The following BAHCC1 variants were observed in gnomAD, a reference collection of about 807,000 sequenced individuals.
BAHCC1 encodes the protein BAH domain and coiled-coil containing 1, also known as BAH and coiled-coil domain-containing protein 1.
BAHCC1 carries 43 observed loss-of-function variants against 88.2 expected under a neutral mutation model. The ratio of observed to expected loss-of-function variants is 0.49; its 90% CI spans 0.38 to 0.63. The LOEUF (loss-of-function observed/expected upper bound fraction) is 0.63, where lower values mean the gene tolerates loss of function less well. Among genes scored for constraint, BAHCC1 ranks in the 20% least tolerant of loss-of-function variants. The pLI is 0.00. For missense variants in BAHCC1, 3,023 were observed against 1,654.8 expected (o/e 1.83, Z -14.34); for synonymous variants, 1,510 against 745.5 (o/e 2.03, Z -16.71).
chr17:81,409,570 A>C (rs189838090), intron 2 of BAHCC1, among the ~76,000 whole-genome samples: 27 of 152,284 alleles, frequency 1.8e-4, no homozygotes, highest in Non-Finnish European at 2.5e-4. Flanking sequence ...GCGGGGGTGC[A>C]GCTAGGATTG....
chr17:81,438,988 G>A (rs989692805), intron 4 of BAHCC1, among the ~76,000 whole-genome samples: 2 of 152,048 alleles, frequency 1.3e-5, no homozygotes, highest in African/African-American at 4.8e-5. Context: ...CCCCAGCCCC[G>A]TGTCCTGGTG....
chr17:81,440,959 G>C (rs2064404320), intron 4 of BAHCC1, among the ~76,000 whole-genome samples: 1 of 152,204 alleles, frequency 6.6e-6, no homozygotes, highest in Non-Finnish European at 1.5e-5. Context: ...CTCTCCTCTG[G>C]GGGCGCCAGG....
chr17:81,405,548 A>G (rs1050191083), intron 2 of BAHCC1, among the ~76,000 whole-genome samples: 1 of 152,102 alleles, frequency 6.6e-6, no homozygotes, highest in African/African-American at 2.4e-5. Flanking sequence ...CCAAAGGACT[A>G]TATTTCCCAG....
intron 2 of BAHCC1, among the ~76,000 whole-genome samples, chr17:81,413,786 C>T (rs1013776573): frequency 5.9e-5 from 9 of 152,332 alleles, no homozygotes; most frequent in African/African-American, 2.2e-4. Context: ...AGCAACTGTT[C>T]GTGTACCAGC....
intron 10 of BAHCC1, 25 bp from the exon 11 acceptor site, chr17:81,447,011 T>G (rs2064541419): frequency 2.6e-6 from 2 of 778,300 alleles, no homozygotes; most frequent in Non-Finnish European, 4.8e-6. Flanking sequence ...CCCAGCTCCC[T>G]GCTGACCTGT....
rs782281202 is a variant in BAHCC1, at chr17:81,441,896, A to G, written c.547A>G (p.Ser183Gly). 1.5e-6 allele frequency: 1 copy of G among 680,706 alleles called. No individual in the cohort carries two copies. The highest frequency in any genetic ancestry group is 2.2e-5 in the Admixed American group (1 of 44,562). 42.2% of individuals were successfully genotyped at this position (680,706 alleles called of 1,614,324 possible). ...TLLPANHNFP[S>G]VARAAPAHPM... is the part of the protein sequence containing the mutation. ...GCTGCCGGCCAACCACAACTTCCCC[A>G]GCGTGGCCCGGGCCGCCCCTGCCCA... The change falls in exon 5 of 28, where the codon AGC becomes GGC. Residue 183 changes from serine to glycine, a missense_variant. Ser to Gly is a moderately conservative substitution (Grantham distance 56). Coordinates refer to ENST00000675386, the MANE Select transcript of BAHCC1 (RefSeq NM_001377448.1).
chr17:81,438,758 T>A (rs1555652106), intron 4 of BAHCC1, among the ~76,000 whole-genome samples: 1 of 152,136 alleles, frequency 6.6e-6, no homozygotes, highest in African/African-American at 2.4e-5. Flanking sequence ...GCAGCTGAGC[T>A]GGTGCCCACC....
At chr17:81,448,186 G>T (rs1201774447) in intron 11 of BAHCC1, among the ~76,000 whole-genome samples, 1 of 152,198 alleles carries the variant, frequency 6.6e-6, no homozygotes. Context: ...AGAGCCTGCC[G>T]CCTGCCTCCT....
Position 81,442,186 on chromosome 17 carries a change from C to A in BAHCC1, c.837C>A (p.His279Gln). The A allele has an allele frequency of 1.5e-6, 1 of 657,798 alleles. No individual in the cohort carries two copies. The allele number at this position is 657,798 out of a possible 1,614,324, so 40.7% of individuals were successfully genotyped here. Reference protein sequence around the residue: ...PRGACEGRPKHLTSCLLNTKV... With the variant: ...PRGACEGRPKQLTSCLLNTKV... ...GGGCCTGCGAGGGCCGCCCCAAGCA[C>A]CTCACCTCCTGCCTCCTCAACACCA... Residue 279 changes from histidine (H) to glutamine (Q), a missense_variant, in exon 5 of 28, where the codon CAC (histidine) becomes CAA (glutamine). Physicochemically the swap from His to Gln is conservative, Grantham distance 24. Coordinates refer to ENST00000675386, the MANE Select transcript of BAHCC1 (RefSeq NM_001377448.1).
intron 2 of BAHCC1, chr17:81,415,407 G>T: frequency 8.2e-6 from 3 of 365,742 alleles, no homozygotes; most frequent in Non-Finnish European, 1.6e-5. Context: ...TTGAGACACA[G>T]AGTTTGGCAG....
chr17:81,461,437 G>T lies in BAHCC1; in HGVS notation c.6774G>T (p.Gly2258=), dbSNP rs1265643651. ...CCCTTGTGGGCAAGGACAAGAAGGG[G>T]CGGGCACCCATCCCCCCGCTGCCCA... is the stretch of plus-strand genomic sequence containing the variant. The part of the protein sequence containing the change: ...HPALVGKDKK[G]RAPIPPLPMG... Residue 2258 remains glycine, a synonymous_variant, in exon 26 of 28, where the codon GGG becomes GGT. Transcript: ENST00000675386. The T allele has an allele frequency of 1.2e-5, 9 of 737,466 alleles. No homozygotes were observed. Among genetic ancestry groups the T allele is most frequent in the African/African-American group, 8.5e-5 (5 of 58,626 alleles). 45.7% of individuals were successfully genotyped at this position (737,466 alleles called of 1,614,324 possible). A position where few individuals can be genotyped will look rare whatever the true frequency, so the allele number is the denominator to read the frequency against.
At position 81,426,908 on chromosome 17, in the gene BAHCC1, C is replaced by G. The variant is rs1305503339; in HGVS notation, c.287C>G (p.Ser96Cys). 1 of 398,840 alleles carries G rather than the reference C, an allele frequency of 2.5e-6. No homozygotes were observed. The highest frequency in any genetic ancestry group is 2.1e-5 in the African/African-American group (1 of 48,588). 24.7% of individuals were successfully genotyped at this position (398,840 alleles called of 1,614,324 possible). A position where few individuals can be genotyped will look rare whatever the true frequency, so the allele number is the denominator to read the frequency against. The change falls in exon 3 of 28, where the codon TCC (serine) becomes TGC (cysteine). Residue 96 changes from serine (S) to cysteine (C), a missense_variant. Physicochemically the swap from Ser to Cys is moderately radical, Grantham distance 112 (BLOSUM62 -1). Coordinates refer to ENST00000675386, the MANE Select transcript of BAHCC1 (RefSeq NM_001377448.1). ...ACGCACCCCAGCGGCCCCAGCTCCTCCCCCCCTGAGCAGGCCTACCGTGGC... is the reference window on the plus strand; with the variant it reads ...ACGCACCCCAGCGGCCCCAGCTCCTGCCCCCCTGAGCAGGCCTACCGTGGC... ...ASTHPSGPSSSPPEQAYRGSH... is the reference protein window; with the variant it reads ...ASTHPSGPSSCPPEQAYRGSH...
intron 26 of BAHCC1, among the ~76,000 whole-genome samples, chr17:81,462,332 T>C (rs9902119): frequency 0.66 from 99,801 of 152,206 alleles, 33,818 homozygotes; most frequent in East Asian, 0.99. Flanking sequence ...TTTTCCACGT[T>C]GATAAGTGGC....
chr17:81,413,257 C>G, intron 2 of BAHCC1: 1 of 251,284 alleles, frequency 4.0e-6, no homozygotes, highest in South Asian at 3.1e-5. Flanking sequence ...GACCTGCCCT[C>G]GGGGGTTTGT....
At chr17:81,408,760 C>G (rs547000866) in intron 2 of BAHCC1, among the ~76,000 whole-genome samples, 171 of 152,354 alleles carry the variant, frequency 1.1e-3, no homozygotes, top group African/African-American at 3.7e-3. Context: ...GGCAGCAGCC[C>G]CTGCCCAGCC....
chr17:81,453,480 C>T (rs2064684917), intron 14 of BAHCC1, among the ~76,000 whole-genome samples: 1 of 152,224 alleles, frequency 6.6e-6, no homozygotes, highest in South Asian at 2.1e-4. Context: ...TCAATTAAGA[C>T]AGGCAAAAAA....
chr17:81,425,464 GTGA>G (rs2064174545), intron 2 of BAHCC1, among the ~76,000 whole-genome samples: 1 of 80,722 alleles, frequency 1.2e-5, no homozygotes, highest in Non-Finnish European at 2.6e-5. Flanking sequence ...ATAGTGGTGG[GTGA>G]TGTGGTTGGT....
chr17:81,444,733 G>A lies in BAHCC1; in HGVS notation c.2578G>A (p.Val860Met). The A allele has an allele frequency of 1.3e-6, 1 of 778,314 alleles. No homozygotes were observed. The highest frequency in any genetic ancestry group is 2.4e-6 in the Non-Finnish European group (1 of 417,638). The allele number at this position is 778,314 out of a possible 1,614,324, so 48.2% of individuals were successfully genotyped here. ...PGFPASVAGP[V>M]PSVFPLPQDA... ...CTTCCCCGCCTCCGTGGCTGGCCCT[G>A]TGCCCTCTGTCTTCCCCCTCCCACA... The change falls in exon 8 of 28, where the codon GTG becomes ATG. Residue 860 changes from valine to methionine, a missense_variant. Coordinates refer to ENST00000675386, the MANE Select transcript of BAHCC1 (RefSeq NM_001377448.1).
At chr17:81,407,405 G>A (rs543458069) in intron 2 of BAHCC1, 15 of 519,974 alleles carry the variant, frequency 2.9e-5, no homozygotes, top group East Asian at 2.7e-4. Flanking sequence ...CTCTCTCTCC[G>A]GTCCTTGGAG....
Sources: allele counts gnomAD v4.1 joint callset (sites outside exome capture counted in the v4.1 genomes callset), GRCh38; gene constraint gnomAD v4.1.1; transcripts MANE v1.5; gene names NCBI Gene and HGNC (gene_info 2026-07-23, HGNC 2026-07-21).